Variants in PTPRT observed in about 807,000 individuals in gnomAD.
PTPRT encodes receptor-type tyrosine-protein phosphatase T.
In PTPRT, 56 loss-of-function variants were observed where a neutral mutation model predicts 176.8. The observed-to-expected ratio is 0.32, with a 90% CI of 0.26 to 0.40. PTPRT has a LOEUF of 0.40. Ranked by LOEUF, PTPRT falls within the 10% of genes least tolerant of loss-of-function variation. The pLI, the probability that PTPRT is intolerant of heterozygous loss-of-function variation, is 1.00. For missense variants in PTPRT, 1,540 were observed against 1,908.2 expected (o/e 0.81, Z 3.60); for synonymous variants, 783 against 739.0 (o/e 1.06, Z -0.96).
At chr20:42,281,280 G>C (rs949230192) in intron 13 of PTPRT, among the ~76,000 whole-genome samples, 1 of 152,116 alleles carries the variant, frequency 6.6e-6, no homozygotes, top group Admixed American at 6.5e-5. Context: ...CCATCCAGGA[G>C]CCTGAGTTCC....
At chr20:43,011,515 C>T (rs1196327834) in intron 1 of PTPRT, among the ~76,000 whole-genome samples, 3 of 152,116 alleles carry the variant, frequency 2.0e-5, no homozygotes, top group Non-Finnish European at 4.4e-5. Context: ...ATCGATGCCT[C>T]AAGTGAAGAT....
intron 7 of PTPRT, among the ~76,000 whole-genome samples, chr20:42,608,472 ACT>A (rs1485080282): frequency 6.6e-6 from 1 of 151,972 alleles, no homozygotes; most frequent in Non-Finnish European, 1.5e-5. Flanking sequence ...GAGGAAGGAG[ACT>A]CTGTCTGGGG....
intron 13 of PTPRT, among the ~76,000 whole-genome samples, chr20:42,257,011 GC>G (rs2056653727): frequency 6.6e-6 from 1 of 152,184 alleles, no homozygotes; most frequent in Admixed American, 6.5e-5. Context: ...AAATCCAGAA[GC>G]CAGTAGGCAT....
intron 6 of PTPRT, among the ~76,000 whole-genome samples, chr20:42,705,446 A>G (rs1306396697): frequency 2.0e-5 from 3 of 150,412 alleles, no homozygotes; most frequent in East Asian, 2.0e-4. Flanking sequence ...GCGGGGGTGT[A>G]TTGTCACTAG....
chr20:42,057,596 C>T, the PTPRT span, among the ~76,000 whole-genome samples: 3 of 151,430 alleles, frequency 2.0e-5, no homozygotes, highest in East Asian at 3.9e-4. Flanking sequence ...TTGTTCTTAT[C>T]TTTTTTTTTA....
intron 7 of PTPRT, among the ~76,000 whole-genome samples, chr20:42,525,471 C>G (rs889316478): frequency 5.4e-4 from 82 of 152,142 alleles, no homozygotes; most frequent in African/African-American, 2.0e-3. Context: ...GCTGTATATT[C>G]ACTTACAACT....
intron 1 of PTPRT, among the ~76,000 whole-genome samples, chr20:43,013,995 T>C (rs1195422188): frequency 6.6e-6 from 1 of 152,210 alleles, no homozygotes; most frequent in Non-Finnish European, 1.5e-5. Flanking sequence ...CTTATTGTCT[T>C]AACACACAGA....
At chr20:42,783,314 T>C (rs1203048305) in intron 3 of PTPRT, among the ~76,000 whole-genome samples, 1 of 152,060 alleles carries the variant, frequency 6.6e-6, no homozygotes, top group African/African-American at 2.4e-5. Context: ...ATATTTGTAA[T>C]ACCTATGTCA....
At chr20:42,917,594 G>A (rs890978420) in intron 1 of PTPRT, among the ~76,000 whole-genome samples, 1 of 152,158 alleles carries the variant, frequency 6.6e-6, no homozygotes, top group Admixed American at 6.5e-5. Flanking sequence ...CTACCCATGA[G>A]CATTGTTATC....
chr20:42,209,262 C>A (rs1246685800), intron 15 of PTPRT, among the ~76,000 whole-genome samples: 2 of 152,170 alleles, frequency 1.3e-5, no homozygotes, highest in African/African-American at 4.8e-5. Flanking sequence ...CAAACACATT[C>A]AAAAGCTAGC....
intron 1 of PTPRT, among the ~76,000 whole-genome samples, chr20:42,942,400 A>G (rs1290308325): frequency 4.6e-5 from 7 of 152,232 alleles, no homozygotes; most frequent in South Asian, 4.1e-4. Flanking sequence ...CTGGGCTTAA[A>G]TTTCTTTTCC....
At chr20:42,463,417 A>G (rs950119541) in intron 8 of PTPRT, among the ~76,000 whole-genome samples, 3 of 152,206 alleles carry the variant, frequency 2.0e-5, no homozygotes, top group African/African-American at 7.2e-5. Context: ...CTTAAAAAAA[A>G]GCACACTAAA....
chr20:42,642,467 C>G (rs2074779916), intron 7 of PTPRT, among the ~76,000 whole-genome samples: 1 of 152,068 alleles, frequency 6.6e-6, no homozygotes, highest in African/African-American at 2.4e-5. Context: ...TAGTAATAAT[C>G]TTGATGGTGA....
chr20:42,375,630 G>C (rs535924601), intron 9 of PTPRT, among the ~76,000 whole-genome samples: 3 of 152,278 alleles, frequency 2.0e-5, no homozygotes, highest in African/African-American at 7.2e-5. Flanking sequence ...TAATTACCCA[G>C]TCCATGGTAT....
chr20:42,668,509 G>C (rs1267047922), intron 7 of PTPRT, among the ~76,000 whole-genome samples: 1 of 152,038 alleles, frequency 6.6e-6, no homozygotes, highest in African/African-American at 2.4e-5. Flanking sequence ...GTGAGTCTCT[G>C]GGATTATGAA....
At position 42,422,208 on chromosome 20, in the gene PTPRT, T is replaced by C. The variant is rs116395596; in HGVS notation, c.1560+26012A>G. Among the ~76,000 whole-genome samples the C allele has an allele frequency of 4.5e-3, 678 of 152,314 alleles. 5 individuals are homozygous for C. Among genetic ancestry groups the C allele is most frequent in the African/African-American group, 0.016 (653 of 41,576 alleles). On this transcript the variant is annotated intron_variant, in intron 9 of 30. Transcript: ENST00000373187. ...CAAAAGCAAAACTTGACAAATGGAA[T>C]TTAATTAAACTAAAGAGCTTCTACA...
At chr20:42,940,952 C>T (rs545435772) in intron 1 of PTPRT, among the ~76,000 whole-genome samples, 7 of 151,890 alleles carry the variant, frequency 4.6e-5, no homozygotes, top group South Asian at 2.1e-4. Context: ...TATGGTGGCG[C>T]GCGCCTGTAG....
intron 7 of PTPRT, among the ~76,000 whole-genome samples, chr20:42,619,144 A>C (rs1368960767): frequency 1.3e-5 from 2 of 150,782 alleles, no homozygotes; most frequent in Admixed American, 1.3e-4. Context: ...TGGTGGTGAC[A>C]AAATGTCTCA....
rs140995348 is a variant in PTPRT at position 42,082,159 on chromosome 20, C to T, written c.4137-142G>A. 1,063 of 1,253,806 alleles carry T rather than the reference C, an allele frequency of 8.5e-4. 9 individuals carry two copies. In the African/African-American group the frequency reaches 0.013, roughly 15 times the overall value. 77.7% of individuals were successfully genotyped at this position (1,253,806 alleles called of 1,614,324 possible). On this transcript the variant is annotated intron_variant, in intron 29 of 30. Transcript: ENST00000373187. ...CAATGGTGAAGGCTTTAGCCTGAGC[C>T]ATGAGTTATGGTTTGAGTCCCATCT...
Sources: allele counts gnomAD v4.1 joint callset (sites outside exome capture counted in the v4.1 genomes callset), GRCh38; gene constraint gnomAD v4.1.1; transcripts MANE v1.5; gene names NCBI Gene and HGNC (gene_info 2026-07-23, HGNC 2026-07-21).